ANKS1B: variants seen among roughly 807,000 people sequenced by gnomAD.
The protein encoded by ANKS1B is ankyrin repeat and sterile alpha motif domain containing 1B, also known as ankyrin repeat and sterile alpha motif domain-containing protein 1B.
ANKS1B carries 36 observed loss-of-function variants against 148.3 expected under a neutral mutation model. The observed-to-expected ratio is 0.24, with a 90% CI of 0.19 to 0.32. The LOEUF is 0.32. Among genes scored for constraint, ANKS1B ranks in the 10% least tolerant of loss-of-function variants. The pLI is 1.00. For missense variants in ANKS1B, 1,157 were observed against 1,542.6 expected (o/e 0.75, Z 4.19); for synonymous variants, 542 against 560.8 (o/e 0.97, Z 0.47).
At chr12:98,877,232 T>C (rs1315584585) in intron 17 of ANKS1B, among the ~76,000 whole-genome samples, 1 of 152,178 alleles carries the variant, frequency 6.6e-6, no homozygotes, top group African/African-American at 2.4e-5. Context: ...CAGGGCAGTG[T>C]CAATGGAAAT....
chr12:99,555,747 C>A (rs1028758925), intron 9 of ANKS1B, among the ~76,000 whole-genome samples: 1 of 151,992 alleles, frequency 6.6e-6, no homozygotes, highest in African/African-American at 2.4e-5. Flanking sequence ...TATTTATTTG[C>A]GTATGTTGAG....
chr12:99,187,414 G>A (rs1160104626), intron 14 of ANKS1B, among the ~76,000 whole-genome samples: 1 of 152,022 alleles, frequency 6.6e-6, no homozygotes, highest in Non-Finnish European at 1.5e-5. Flanking sequence ...TTGAAATGAA[G>A]GAAAAAATGT....
intron 12 of ANKS1B, among the ~76,000 whole-genome samples, chr12:99,329,384 TA>T (rs2152265707): frequency 6.6e-6 from 1 of 152,096 alleles, no homozygotes; most frequent in South Asian, 2.1e-4. Flanking sequence ...TTCATAATTA[TA>T]AATGATGTTG....
chr12:99,375,927 T>C lies in ANKS1B; in HGVS notation c.1756+23704A>G, dbSNP rs185289539. ...ATCCATAGATGTTAGCAGTGAAAGA[T>C]ACTAAGAAAATGAAGAACTAGAACG... On this transcript the variant is annotated intron_variant, in intron 12 of 26. Coordinates refer to ENST00000683438, the MANE Select transcript of ANKS1B (RefSeq NM_001352186.2). Among the ~76,000 whole-genome samples the C allele has an allele frequency of 4.6e-5, 7 of 152,316 alleles. No individual in the cohort carries two copies. The East Asian group carries it at 1.2e-3, about 25-fold the overall frequency.
In ANKS1B at chr12:99,318,797, G is replaced by A. The variant is rs145545250; in HGVS notation, c.1757-71933C>T. ...ATTTTAGATCTTTCCTGCTTTCTCC[G>A]GTGGGCATTTAGTGCTATAAATTTC... On this transcript the variant is annotated intron_variant, in intron 12 of 26. Transcript: ENST00000683438. 2.1e-3 allele frequency among the ~76,000 whole-genome samples: 315 copies of A among 151,282 alleles called. 6 individuals are homozygous for A. In the South Asian group the frequency reaches 0.037, roughly 18 times the overall value.
chr12:99,029,044 A>C (rs1394606790), intron 17 of ANKS1B, among the ~76,000 whole-genome samples: 1 of 152,236 alleles, frequency 6.6e-6, no homozygotes, highest in African/African-American at 2.4e-5. Context: ...AACCAGAGAA[A>C]AATCTAAACT....
intron 9 of ANKS1B, among the ~76,000 whole-genome samples, chr12:99,539,770 T>C (rs538265040): frequency 6.6e-6 from 1 of 152,238 alleles, no homozygotes; most frequent in East Asian, 1.9e-4. Flanking sequence ...GGCCTTGCTG[T>C]GTTGCCCAGG....
At chr12:99,720,102 C>A (rs1470092247) in intron 8 of ANKS1B, among the ~76,000 whole-genome samples, 5 of 152,164 alleles carry the variant, frequency 3.3e-5, no homozygotes, top group Admixed American at 6.5e-5. Context: ...TCTCTTAGAA[C>A]CTCTCATTTC....
chr12:99,351,638 A>G (rs2091433219), intron 12 of ANKS1B, among the ~76,000 whole-genome samples: 1 of 152,004 alleles, frequency 6.6e-6, no homozygotes, highest in Non-Finnish European at 1.5e-5. Context: ...TGTCATGAGG[A>G]TTAGAAATAA....
rs758439042 is a variant in ANKS1B at position 99,443,852 on chromosome 12, T to G, written c.1439-43A>C. Reference sequence around the variant, plus strand: ...ACTGCCATGAACCTAATCACTCAGTTTACCTTTTAAGACTTGAAATTAATT... The same window carrying G: ...ACTGCCATGAACCTAATCACTCAGTGTACCTTTTAAGACTTGAAATTAATT... On this transcript the variant is annotated intron_variant, in intron 10 of 26. Transcript: ENST00000683438. 3.2e-6 allele frequency: 5 copies of G among 1,558,848 alleles called. No individual in the cohort carries two copies. In the African/African-American group the frequency reaches 6.9e-5, roughly 22 times the overall value.
intron 22 of ANKS1B, among the ~76,000 whole-genome samples, chr12:98,790,098 G>GT (rs2098834237): frequency 6.6e-6 from 1 of 151,898 alleles, no homozygotes; most frequent in South Asian, 2.1e-4. Context: ...TTTTAAAAAT[G>GT]TATGATTTTA....
At chr12:99,149,025 C>G (rs966913007) in intron 15 of ANKS1B, among the ~76,000 whole-genome samples, 5 of 151,046 alleles carry the variant, frequency 3.3e-5, no homozygotes, top group African/African-American at 1.2e-4. Flanking sequence ...AGTAAGTTCA[C>G]AAAATTTTCC....
chr12:99,588,199 A>C (rs568198331), intron 9 of ANKS1B, among the ~76,000 whole-genome samples: 23 of 152,128 alleles, frequency 1.5e-4, no homozygotes, highest in Non-Finnish European at 2.9e-4. Flanking sequence ...CAGTGCACAT[A>C]AAAATGCTTT....
At chr12:99,949,277 G>T (rs377228955) in intron 1 of ANKS1B, among the ~76,000 whole-genome samples, 2 of 152,134 alleles carry the variant, frequency 1.3e-5, no homozygotes, top group South Asian at 4.1e-4. Flanking sequence ...AGTTTCTTAG[G>T]GAAGCAGTTA....
chr12:99,384,484 A>G (rs945540354), intron 12 of ANKS1B, among the ~76,000 whole-genome samples: 4 of 152,118 alleles, frequency 2.6e-5, no homozygotes, highest in African/African-American at 9.7e-5. Context: ...AAATAGAAGA[A>G]TCTCTGAAAG....
intron 10 of ANKS1B, among the ~76,000 whole-genome samples, chr12:99,466,842 T>C (rs7309782): frequency 0.46 from 69,003 of 150,614 alleles, 19,213 homozygotes; most frequent in African/African-American, 0.8. Flanking sequence ...GGATTCACAG[T>C]CGAATTCTAC....
intron 8 of ANKS1B, among the ~76,000 whole-genome samples, chr12:99,669,636 T>C (rs2153465120): frequency 6.6e-6 from 1 of 152,262 alleles, no homozygotes; most frequent in African/African-American, 2.4e-5. Context: ...ATCTCCAGTA[T>C]TGTTCTTTCT....
At chr12:99,670,474 T>TAAAC (rs1160159566) in intron 8 of ANKS1B, among the ~76,000 whole-genome samples, 1 of 152,112 alleles carries the variant, frequency 6.6e-6, no homozygotes, top group Non-Finnish European at 1.5e-5. Flanking sequence ...AATTATTGTT[T>TAAAC]ATGCCCAATA....
At chr12:99,154,186 C>A in intron 15 of ANKS1B, 103 bp downstream of exon 15, 6 of 1,421,760 alleles carry the variant, frequency 4.2e-6, no homozygotes, top group Non-Finnish European at 3.8e-6. Context: ...ATATATAAAT[C>A]TGACCAGTTT....
Sources: allele counts gnomAD v4.1 joint callset (sites outside exome capture counted in the v4.1 genomes callset), GRCh38; gene constraint gnomAD v4.1.1; transcripts MANE v1.5; gene names NCBI Gene and HGNC (gene_info 2026-07-23, HGNC 2026-07-21).